LRRTM4: variants seen among roughly 807,000 people sequenced by gnomAD.
LRRTM4 encodes leucine-rich repeat transmembrane neuronal protein 4.
In LRRTM4, 25 loss-of-function variants were observed where a neutral mutation model predicts 47.6. The ratio of observed to expected loss-of-function variants is 0.53; its 90% CI spans 0.38 to 0.73. The LOEUF (loss-of-function observed/expected upper bound fraction) is 0.73, where lower values mean the gene tolerates loss of function less well. LRRTM4 is among the 30% of genes least tolerant of loss of function. The pLI, the probability that LRRTM4 is intolerant of heterozygous loss-of-function variation, is 0.00. For synonymous variants in LRRTM4, 311 were observed against 269.5 expected, an observed-to-expected ratio of 1.15 and a Z score of -1.51; for missense variants, 638 against 713.4, an observed-to-expected ratio of 0.89 and a Z score of 1.20.
chr2:76,748,539 A>G lies in LRRTM4; in HGVS notation c.*156T>C. Reference sequence around the variant, plus strand: ...GGTGCATTCGCTGCCCTCTTCAAGCAGTTTTTTTTTCTCTTTTTCTTTTCT... The same window carrying G: ...GGTGCATTCGCTGCCCTCTTCAAGCGGTTTTTTTTTCTCTTTTTCTTTTCT... On this transcript the variant is annotated 3_prime_UTR_variant, in exon 4 of 4. Coordinates refer to ENST00000409884, the MANE Select transcript of LRRTM4 (RefSeq NM_001134745.3). 1.6e-6 allele frequency: 1 copy of G among 620,254 alleles called. No individual in the cohort carries two copies. Among genetic ancestry groups the G allele is most frequent in the Non-Finnish European group, 2.8e-6 (1 of 360,778 alleles). The allele number at this position is 620,254 out of a possible 1,614,324, so 38.4% of individuals were successfully genotyped here.
chr2:76,996,968 T>G (rs1001069997), intron 3 of LRRTM4, among the ~76,000 whole-genome samples: 1 of 152,086 alleles, frequency 6.6e-6, no homozygotes, highest in Non-Finnish European at 1.5e-5. Flanking sequence ...CAAATACCTA[T>G]GCTGAGAAAG....
At chr2:76,960,951 A>G (rs1004208605) in intron 3 of LRRTM4, among the ~76,000 whole-genome samples, 2 of 151,572 alleles carry the variant, frequency 1.3e-5, no homozygotes, top group Non-Finnish European at 3.0e-5. Flanking sequence ...TGTGGATATT[A>G]AAGTAATACT....
At chr2:77,417,749 A>T (rs569124940) in intron 3 of LRRTM4, among the ~76,000 whole-genome samples, 11 of 128,262 alleles carry the variant, frequency 8.6e-5, no homozygotes, top group Admixed American at 1.8e-4. Context: ...AACATCACAC[A>T]CTGGGGCCTG....
chr2:77,427,354 A>T (rs960996838), intron 3 of LRRTM4, among the ~76,000 whole-genome samples: 1 of 152,212 alleles, frequency 6.6e-6, no homozygotes, highest in Non-Finnish European at 1.5e-5. Context: ...TGAAAAAATA[A>T]CAAATAAGGA....
intron 3 of LRRTM4, among the ~76,000 whole-genome samples, chr2:77,214,521 A>G (rs542925013): frequency 3.7e-4 from 56 of 152,258 alleles, no homozygotes; most frequent in African/African-American, 1.3e-3. Context: ...GCCTCCTTAA[A>G]TAGGCTCTGA....
chr2:77,161,672 C>A (rs531532757), intron 3 of LRRTM4, among the ~76,000 whole-genome samples: 8 of 151,986 alleles, frequency 5.3e-5, no homozygotes, highest in African/African-American at 1.9e-4. Context: ...TAAGTGGATA[C>A]GTGCAGTTCA....
chr2:77,042,437 G>A (rs544523553), intron 3 of LRRTM4, among the ~76,000 whole-genome samples: 1 of 151,634 alleles, frequency 6.6e-6, no homozygotes, highest in South Asian at 2.1e-4. Flanking sequence ...AAAAGTTATT[G>A]AGATTATCTC....
intron 3 of LRRTM4, among the ~76,000 whole-genome samples, chr2:76,944,999 A>T (rs1306290193): frequency 6.6e-6 from 1 of 152,096 alleles, no homozygotes; most frequent in Non-Finnish European, 1.5e-5. Context: ...AGTTTGAAGA[A>T]TATGGAAATT....
At chr2:76,770,948 C>CTCATTTAT (rs1558641250) in intron 3 of LRRTM4, among the ~76,000 whole-genome samples, 8 of 152,162 alleles carry the variant, frequency 5.3e-5, no homozygotes, top group Non-Finnish European at 1.0e-4. Context: ...AGAATGCTAC[C>CTCATTTAT]ACATGCTCCT....
chr2:77,325,945 C>T (rs1670756577), intron 3 of LRRTM4, among the ~76,000 whole-genome samples: 1 of 152,190 alleles, frequency 6.6e-6, no homozygotes, highest in Admixed American at 6.6e-5. Flanking sequence ...CTTAGCTTTG[C>T]TGTGCTTTTT....
At chr2:76,916,243 G>C (rs1674240135) in intron 3 of LRRTM4, among the ~76,000 whole-genome samples, 1 of 151,622 alleles carries the variant, frequency 6.6e-6, no homozygotes, top group Non-Finnish European at 1.5e-5. Flanking sequence ...AAATTAGCCG[G>C]GCGTGTTGGC....
chr2:76,861,176 GAAGTT>G (rs1672301255), intron 3 of LRRTM4, among the ~76,000 whole-genome samples: 2 of 152,072 alleles, frequency 1.3e-5, no homozygotes, highest in Admixed American at 1.3e-4. Flanking sequence ...CTTAGACAGT[GAAGTT>G]ATTTCAACCC....
At chr2:77,365,531 G>A (rs549670415) in intron 3 of LRRTM4, among the ~76,000 whole-genome samples, 2 of 151,878 alleles carry the variant, frequency 1.3e-5, no homozygotes, top group African/African-American at 4.8e-5. Context: ...AGAACTCCAC[G>A]TATGTAGGAG....
chr2:77,057,741 T>C (rs79065779), intron 3 of LRRTM4, among the ~76,000 whole-genome samples: 2,042 of 152,260 alleles, frequency 0.013, 57 homozygotes, highest in African/African-American at 0.046. Context: ...GCTTTAGATA[T>C]GCACCTAGAG....
At chr2:77,300,628 A>G (rs1018881208) in intron 3 of LRRTM4, among the ~76,000 whole-genome samples, 52 of 152,210 alleles carry the variant, frequency 3.4e-4, no homozygotes, top group African/African-American at 1.1e-3. Context: ...GCTGTAAATC[A>G]TGTGTATATA....
chr2:77,049,495 G>C (rs1679355038), intron 3 of LRRTM4, among the ~76,000 whole-genome samples: 1 of 151,786 alleles, frequency 6.6e-6, no homozygotes, highest in African/African-American at 2.4e-5. Context: ...TCTAGCTAGA[G>C]TGAGATGGTA....
intron 2 of LRRTM4, 48 bp downstream of exon 2, chr2:77,521,620 C>A: frequency 8.7e-6 from 14 of 1,610,492 alleles, no homozygotes; most frequent in Middle Eastern, 1.7e-4. Flanking sequence ...GGATAGGAAG[C>A]CAAGAGGATC....
Position 77,518,621 on chromosome 2 carries a change from C to T in LRRTM4, c.1248G>A (p.Glu416=), listed in dbSNP as rs1447647154. ...TTTTGTGAAATGAAACATGCTCATA[C>T]TCTTGCTCTGCGCCAGGAATCTGAA... ...PGFQIPGAEQ[E]YEHVSFHKII... The change falls in exon 3 of 4, where the codon GAG becomes GAA. Residue 416 remains glutamate, a synonymous_variant. Coordinates refer to ENST00000409884, the MANE Select transcript of LRRTM4 (RefSeq NM_001134745.3). The T allele has an allele frequency of 5.6e-6, 9 of 1,613,282 alleles. No homozygotes were observed. The highest frequency in any genetic ancestry group is 3.3e-5 in the South Asian group (3 of 91,078).
intron 3 of LRRTM4, among the ~76,000 whole-genome samples, chr2:76,876,253 A>C (rs1019029682): frequency 3.3e-5 from 5 of 152,284 alleles, no homozygotes; most frequent in African/African-American, 1.2e-4. Context: ...TTCTTTTATA[A>C]TATCTCAATT....
Sources: gnomAD v4.1 joint callset for allele counts (sites outside exome capture counted in the v4.1 genomes callset) on GRCh38, gnomAD v4.1.1 for gene constraint, MANE v1.5 for transcripts, NCBI Gene and HGNC (gene_info 2026-07-23, HGNC 2026-07-21) for gene names.